Variants in BEND2 observed in about 807,000 individuals in gnomAD.
The protein encoded by BEND2 is BEN domain-containing protein 2.
BEND2 carries 19 observed loss-of-function variants against 43.8 expected under a neutral mutation model. The observed-to-expected ratio is 0.43, with a 90% confidence interval of 0.30 to 0.64. The LOEUF is 0.64. Ranked by LOEUF, BEND2 falls within the 30% of genes least tolerant of loss-of-function variation. The pLI is 0.11. For synonymous variants in BEND2, 226 were observed against 210.1 expected, an observed-to-expected ratio of 1.08 and a Z score of -0.66; for missense variants, 544 against 574.0, an observed-to-expected ratio of 0.95 and a Z score of 0.53.
At chrX:18,185,533 A>AAATAAT (rs141832867) in intron 8 of BEND2, among the ~76,000 whole-genome samples, 148 of 88,103 alleles carry the variant, frequency 1.7e-3, no homozygotes, top group Admixed American at 2.9e-3. Flanking sequence ...TCAGTCGCAA[A>AAATAAT]AATAATAATA....
At chrX:18,207,454 ACATT>A (rs1174628052) in intron 4 of BEND2, among the ~76,000 whole-genome samples, 1 of 110,977 alleles carries the variant, frequency 9.0e-6, no homozygotes, top group East Asian at 2.8e-4. Flanking sequence ...ATCTTGATAC[ACATT>A]CAAGCACATA....
intron 8 of BEND2, among the ~76,000 whole-genome samples, chrX:18,185,846 T>C (rs1271602587): frequency 9.1e-6 from 1 of 109,961 alleles, no homozygotes; most frequent in Non-Finnish European, 1.9e-5. Context: ...AGGAAAAAAA[T>C]TTTATCCTAG....
chrX:18,184,097 C>G (rs942340488), intron 8 of BEND2, among the ~76,000 whole-genome samples: 1 of 111,595 alleles, frequency 9.0e-6, no homozygotes, highest in Non-Finnish European at 1.9e-5. Flanking sequence ...CCAGCACAGT[C>G]CCAGTGGTGG....
chrX:18,174,366 C>T (rs777554168), intron 11 of BEND2, 108 bp from the exon 12 acceptor site: 26 of 652,411 alleles, frequency 4.0e-5, no homozygotes, highest in Middle Eastern at 4.1e-4. Flanking sequence ...GCAACTGACT[C>T]TTTAAAAGGT....
At chrX:18,201,116 G>T (rs1193242894) in intron 6 of BEND2, among the ~76,000 whole-genome samples, 1 of 111,677 alleles carries the variant, frequency 9.0e-6, no homozygotes, top group African/African-American at 3.3e-5. Flanking sequence ...GAATCAGGCT[G>T]GGCGCAGTGG....
chrX:18,220,199 G>A, intron 1 of BEND2, among the ~76,000 whole-genome samples: 1 of 112,434 alleles, frequency 8.9e-6, no homozygotes, highest in Middle Eastern at 4.6e-3. Flanking sequence ...CAGCCGCTAT[G>A]CCAAAACGCT....
chrX:18,219,748 A>C (rs1301540045), intron 1 of BEND2, among the ~76,000 whole-genome samples: 1 of 111,334 alleles, frequency 9.0e-6, no homozygotes, highest in African/African-American at 3.3e-5. Flanking sequence ...TCAACAAAAA[A>C]TACAAAAATT....
chrX:18,189,278 C>G (rs956506943), intron 8 of BEND2, among the ~76,000 whole-genome samples: 2 of 109,515 alleles, frequency 1.8e-5, no homozygotes, highest in African/African-American at 6.7e-5. Context: ...GAGGCCAAGG[C>G]GGGAAGACTG....
chrX:18,219,889 G>C (rs935580715), intron 1 of BEND2, among the ~76,000 whole-genome samples: 1 of 110,158 alleles, frequency 9.1e-6, no homozygotes, highest in African/African-American at 3.3e-5. Flanking sequence ...CTGGGCACCA[G>C]AGCAAGACTC....
chrX:18,198,966 G>A (rs1165945673), intron 6 of BEND2, among the ~76,000 whole-genome samples: 3 of 101,256 alleles, frequency 3.0e-5, no homozygotes, highest in Non-Finnish European at 5.9e-5. Context: ...AAAACCAAAC[G>A]CCGGATGTTC....
At chrX:18,214,786 G>A (rs1455049183) in intron 2 of BEND2, among the ~76,000 whole-genome samples, 2 of 85,390 alleles carry the variant, frequency 2.3e-5, no homozygotes, top group South Asian at 7.1e-4. Flanking sequence ...ACTCCAACCT[G>A]GGCGACAGAG....
intron 8 of BEND2, among the ~76,000 whole-genome samples, chrX:18,182,022 A>T (rs1490260252): frequency 8.9e-6 from 1 of 112,180 alleles, no homozygotes; most frequent in African/African-American, 3.2e-5. Context: ...AGACCCAACT[A>T]TATGCTCTTT....
chrX:18,210,425 A>G (rs1458848766), intron 4 of BEND2, among the ~76,000 whole-genome samples: 1 of 112,064 alleles, frequency 8.9e-6, no homozygotes, highest in East Asian at 2.8e-4. Flanking sequence ...AGAAGCACCT[A>G]AGGCCTATTT....
At chrX:18,173,155 G>A (rs1291745386) in intron 12 of BEND2, among the ~76,000 whole-genome samples, 1 of 110,967 alleles carries the variant, frequency 9.0e-6, no homozygotes, top group East Asian at 2.9e-4. Flanking sequence ...CTGTCCCCTC[G>A]TTATAGCTGA....
At chrX:18,184,794 A>G (rs1173432196) in intron 8 of BEND2, among the ~76,000 whole-genome samples, 4 of 111,280 alleles carry the variant, frequency 3.6e-5, no homozygotes, top group African/African-American at 9.8e-5. Context: ...CCAGGAAAAC[A>G]TGACCTCACC....
In BEND2 at chrX:18,203,833, G is replaced by A; in HGVS notation, c.575C>T (p.Ala192Val). 1.7e-6 allele frequency: 2 copies of A among 1,210,693 alleles called. No individual in the cohort carries two copies. The highest frequency in any genetic ancestry group is 1.8e-5 in the South Asian group (1 of 56,944). The change falls in exon 5 of 14, where the codon GCA becomes GTA. Residue 192 changes from alanine to valine, a missense_variant. Physicochemically the swap from Ala to Val is moderately conservative, Grantham distance 64 (BLOSUM62 0). Coordinates refer to ENST00000380033, the MANE Select transcript of BEND2 (RefSeq NM_153346.5). ...TGCTTCCTGCAGTTCATGACATGCT[G>A]CTGACTCAAGAGATGTTACAGCAGG... ...ASPAVTSLESAACHELQEADL... is the reference protein window; with the variant it reads ...ASPAVTSLESVACHELQEADL...
rs1923774954 is a variant in BEND2, at chrX:18,164,663, T to C, written c.*346A>G. On this transcript the variant is annotated 3_prime_UTR_variant, in exon 14 of 14. Coordinates refer to ENST00000380033, the MANE Select transcript of BEND2 (RefSeq NM_153346.5). ...TTTTATACGAATTATATTATTTGAC[T>C]GAGTGGCTCCTTACTTTCTATTGAA... 6.7e-6 allele frequency: 1 copy of C among 150,046 alleles called. No individual in the cohort carries two copies. The highest frequency in any genetic ancestry group is 8.4e-5 in the Admixed American group (1 of 11,940). The allele number at this position is 150,046 out of a possible 1,213,427, so 12.4% of individuals were successfully genotyped here.
intron 5 of BEND2, among the ~76,000 whole-genome samples, chrX:18,203,085 G>A (rs1490221347): frequency 9.0e-6 from 1 of 111,472 alleles, no homozygotes; most frequent in Non-Finnish European, 1.9e-5. Flanking sequence ...TTATAGAGAT[G>A]GAGAAGAGAT....
At chrX:18,171,620 A>G (rs371256323) in intron 12 of BEND2, among the ~76,000 whole-genome samples, 1 of 111,897 alleles carries the variant, frequency 8.9e-6, no homozygotes, top group African/African-American at 3.2e-5. Flanking sequence ...TTGGGATTAC[A>G]GGTATAAGCC....
Sources: allele counts gnomAD v4.1 joint callset (sites outside exome capture counted in the v4.1 genomes callset), GRCh38; gene constraint gnomAD v4.1.1; transcripts MANE v1.5; gene names NCBI Gene and HGNC (gene_info 2026-07-23, HGNC 2026-07-21).